OR6C1: variants seen among roughly 807,000 people sequenced by gnomAD.
The protein encoded by OR6C1 is olfactory receptor family 6 subfamily C member 1.
For missense variants in OR6C1, 386 were observed against 366.1 expected (o/e 1.05, Z -0.44); for synonymous variants, 157 against 133.3 (o/e 1.18, Z -1.22).
In OR6C1 at chr12:55,321,430, C is replaced by T. The variant is rs1868556115; in HGVS notation, c.831C>T (p.Thr277=). 1.2e-6 allele frequency: 2 copies of T among 1,613,636 alleles called. No individual in the cohort carries two copies. The highest frequency in any genetic ancestry group is 1.3e-5 in the African/African-American group (1 of 74,872). The change falls in exon 2 of 2, where the codon ACC becomes ACT. Residue 277 remains threonine (T), a synonymous_variant. Coordinates refer to ENST00000642104, the MANE Select transcript of OR6C1 (RefSeq NM_001005182.2). ...SLSKGVAILN[T]SVAPMMNPFI... ...GCAAGGGAGTGGCAATACTAAACAC[C>T]TCAGTAGCCCCCATGATGAACCCCT...
rs1368299158 is a variant in OR6C1 at position 55,320,857 on chromosome 12, A to G, written c.258A>G (p.Gly86=). 1 of 1,613,758 alleles carries G rather than the reference A, an allele frequency of 6.2e-7. No homozygotes were observed. The highest frequency in any genetic ancestry group is 1.1e-5 in the South Asian group (1 of 91,046). The change falls in exon 2 of 2, where the codon GGA becomes GGG. Residue 86 remains glycine, a synonymous_variant. Transcript: ENST00000642104. ...IPKFLGNIIS[G]DKTISFNNCI... ...AGTTTCTGGGTAACATTATTTCAGG[A>G]GATAAAACCATTTCCTTTAATAATT...
chr12:55,319,810 A>G (rs999133569), intron 1 of OR6C1, among the ~76,000 whole-genome samples: 3 of 152,170 alleles, frequency 2.0e-5, no homozygotes, highest in African/African-American at 7.2e-5. Context: ...AATCCATACA[A>G]TCAACTTTCA....
At chr12:55,320,313 A>G (rs1350843787) in intron 1 of OR6C1, among the ~76,000 whole-genome samples, 4 of 152,200 alleles carry the variant, frequency 2.6e-5, no homozygotes, top group Non-Finnish European at 4.4e-5. Context: ...ATGTGGAGTC[A>G]GGAAAGTCTG....
chr12:55,316,887 C>A (rs1868418761), intron 1 of OR6C1, among the ~76,000 whole-genome samples: 1 of 151,684 alleles, frequency 6.6e-6, no homozygotes. Flanking sequence ...CTCTCATGAA[C>A]CCTTCAAATA....
chr12:55,319,401 G>A (rs1868478933), intron 1 of OR6C1, among the ~76,000 whole-genome samples: 1 of 152,132 alleles, frequency 6.6e-6, no homozygotes, highest in Non-Finnish European at 1.5e-5. Context: ...CATCTTAGGT[G>A]GTAACCAAAA....
intron 1 of OR6C1, among the ~76,000 whole-genome samples, chr12:55,317,778 T>A (rs4262806): frequency 0.31 from 46,311 of 151,500 alleles, 7,705 homozygotes; most frequent in East Asian, 0.53. Flanking sequence ...GTAAGTGTGA[T>A]GAGTTGGGAA....
At position 55,320,816 on chromosome 12, in the gene OR6C1, A is replaced by T. The variant is rs956242040; in HGVS notation, c.217A>T (p.Thr73Ser). ...NFSILEISFT[T>S]VSIPKFLGNI... ...CTCCATATTAGAAATTTCGTTCACAACCGTCAGTATACCCAAGTTTCTGGG... is the reference window on the plus strand; with the variant it reads ...CTCCATATTAGAAATTTCGTTCACATCCGTCAGTATACCCAAGTTTCTGGG... The change falls in exon 2 of 2, where the codon ACC (threonine) becomes TCC (serine). Residue 73 changes from threonine to serine, a missense_variant. Thr to Ser is a moderately conservative substitution (Grantham distance 58). Transcript: ENST00000642104. 2 of 1,613,562 alleles carry T rather than the reference A, an allele frequency of 1.2e-6. No individual in the cohort carries two copies. The highest frequency in any genetic ancestry group is 1.7e-6 in the Non-Finnish European group (2 of 1,179,818).
At chr12:55,319,194 G>A (rs1868473318) in intron 1 of OR6C1, among the ~76,000 whole-genome samples, 2 of 152,056 alleles carry the variant, frequency 1.3e-5, no homozygotes, top group African/African-American at 4.8e-5. Flanking sequence ...TCAGTTTTGG[G>A]CTCTTCCAGC....
intron 1 of OR6C1, 149 bp from the exon 2 acceptor site, chr12:55,320,418 A>C: frequency 1.8e-6 from 1 of 564,294 alleles, no homozygotes; most frequent in Non-Finnish European, 3.1e-6. Context: ...AAAACAGTGG[A>C]AATTAAAGGA....
intron 1 of OR6C1, among the ~76,000 whole-genome samples, chr12:55,315,975 T>G (rs569795548): frequency 6.6e-6 from 1 of 151,490 alleles, no homozygotes; most frequent in Non-Finnish European, 1.5e-5. Context: ...TGATCTCTAT[T>G]AAGGTGAAGA....
rs1292790281 is a variant in OR6C1, at chr12:55,321,603, A to T, written c.*65A>T. 9.1e-7 allele frequency: 1 copy of T among 1,095,772 alleles called. No homozygotes were observed. Among genetic ancestry groups the T allele is most frequent in the Non-Finnish European group, 1.3e-6 (1 of 764,862 alleles). 67.9% of individuals were successfully genotyped at this position (1,095,772 alleles called of 1,614,324 possible). A position where few individuals can be genotyped will look rare whatever the true frequency, so the allele number is the denominator to read the frequency against. On this transcript the variant is annotated 3_prime_UTR_variant, in exon 2 of 2. Coordinates refer to ENST00000642104, the MANE Select transcript of OR6C1 (RefSeq NM_001005182.2). ...AATATGAATTTTCAGTAGCTTCTTC[A>T]ATCAAAATGGCCTCCTTGCAGTCTT...
chr12:55,319,426 A>C (rs7974051), intron 1 of OR6C1, among the ~76,000 whole-genome samples: 53,532 of 152,108 alleles, frequency 0.35, 11,198 homozygotes, highest in African/African-American at 0.57. Flanking sequence ...CAATTCAAGG[A>C]ATACACACAG....
chr12:55,316,484 A>T (rs905705695), intron 1 of OR6C1, among the ~76,000 whole-genome samples: 12 of 151,854 alleles, frequency 7.9e-5, no homozygotes, highest in Non-Finnish European at 1.6e-4. Context: ...GAAGGAAATG[A>T]AAACAACCTA....
At chr12:55,315,646 TA>T (rs1382585049) in intron 1 of OR6C1, among the ~76,000 whole-genome samples, 1 of 151,680 alleles carries the variant, frequency 6.6e-6, no homozygotes, top group East Asian at 1.9e-4. Flanking sequence ...AAAATTGTTA[TA>T]AAAACAGTAA....
In OR6C1 at chr12:55,320,768, A is replaced by G; in HGVS notation, c.169A>G (p.Met57Val). 1.9e-6 allele frequency: 3 copies of G among 1,613,920 alleles called. No individual in the cohort carries two copies. Among genetic ancestry groups the G allele is most frequent in the Non-Finnish European group, 2.5e-6 (3 of 1,179,962 alleles). ...GCTGGATTCCCACCTGCAGACCCCCATGTATTTCTTCCTCAGAAATTTCTC... is the reference window on the plus strand; with the variant it reads ...GCTGGATTCCCACCTGCAGACCCCCGTGTATTTCTTCCTCAGAAATTTCTC... The part of the protein sequence containing the change: ...TLLDSHLQTP[M>V]YFFLRNFSIL... Residue 57 changes from methionine (M) to valine (V), a missense_variant, in exon 2 of 2, where the codon ATG (methionine) becomes GTG (valine). Coordinates refer to ENST00000642104, the MANE Select transcript of OR6C1 (RefSeq NM_001005182.2).
chr12:55,316,247 A>T (rs188658708), intron 1 of OR6C1, among the ~76,000 whole-genome samples: 1 of 151,640 alleles, frequency 6.6e-6, no homozygotes, highest in Non-Finnish European at 1.5e-5. Flanking sequence ...TACCAGGCAC[A>T]TCAAATAACT....
chr12:55,320,589 G>T lies in OR6C1; in HGVS notation c.-11G>T. ...TAGGTCTGGCAGGGGAAAAAAGAAA[G>T]CAACTGAAGAATGAGAAACCATACA... On this transcript the variant is annotated 5_prime_UTR_variant, in exon 2 of 2. Transcript: ENST00000642104. The T allele has an allele frequency of 1.3e-6, 2 of 1,496,612 alleles. No individual in the cohort carries two copies. Among genetic ancestry groups the T allele is most frequent in the Non-Finnish European group, 1.8e-6 (2 of 1,092,398 alleles). The allele number at this position is 1,496,612 out of a possible 1,614,324, so 92.7% of individuals were successfully genotyped here. A position where few individuals can be genotyped will look rare whatever the true frequency, so the allele number is the denominator to read the frequency against.
intron 1 of OR6C1, among the ~76,000 whole-genome samples, chr12:55,316,326 G>A (rs1053698317): frequency 6.6e-6 from 1 of 151,698 alleles, no homozygotes; most frequent in Non-Finnish European, 1.5e-5. Flanking sequence ...GCAAGATATA[G>A]GGTTGTTTCT....
chr12:55,317,074 G>A (rs1868422177), intron 1 of OR6C1, among the ~76,000 whole-genome samples: 1 of 151,956 alleles, frequency 6.6e-6, no homozygotes, highest in African/African-American at 2.4e-5. Context: ...ACAGTGCATT[G>A]ATACATTATT....
Sources: allele counts gnomAD v4.1 joint callset (sites outside exome capture counted in the v4.1 genomes callset), GRCh38; gene constraint gnomAD v4.1.1; transcripts MANE v1.5; gene names NCBI Gene and HGNC (gene_info 2026-07-23, HGNC 2026-07-21).